ABCA9: variants seen among roughly 807,000 people sequenced by gnomAD.
ABCA9 encodes the protein ATP-binding cassette sub-family A member 9.
A neutral mutation model predicts 205.3 loss-of-function variants in ABCA9; 183 were observed. That is an observed-to-expected ratio of 0.89 (90% CI 0.79 to 1.01). The LOEUF (loss-of-function observed/expected upper bound fraction) is 1.01, where lower values mean the gene tolerates loss of function less well. ABCA9 is among the 50% of genes least tolerant of loss of function. The pLI, the probability that ABCA9 is intolerant of heterozygous loss-of-function variation, is 0.00. For missense variants in ABCA9, 1,805 were observed against 1,912.4 expected, an observed-to-expected ratio of 0.94 and a Z score of 1.05; for synonymous variants, 651 against 683.3, an observed-to-expected ratio of 0.95 and a Z score of 0.74.
chr17:69,067,206 TAATA>T, the ABCA9 span, among the ~76,000 whole-genome samples: 1 of 152,034 alleles, frequency 6.6e-6, no homozygotes, highest in African/African-American at 2.4e-5. Flanking sequence ...GAAATTTTCT[TAATA>T]TATAATTAAA....
At chr17:69,017,563 G>A in intron 21 of ABCA9, 93 bp downstream of exon 21, 1 of 1,404,898 alleles carries the variant, frequency 7.1e-7, no homozygotes, top group Non-Finnish European at 9.8e-7. Context: ...TTGTTTGTGT[G>A]AAATTGGCCT....
intron 37 of ABCA9, among the ~76,000 whole-genome samples, chr17:68,980,265 C>T (rs2143934224): frequency 6.6e-6 from 1 of 152,138 alleles, no homozygotes; most frequent in East Asian, 1.9e-4. Flanking sequence ...GAATGGCGAT[C>T]ATTAAAAAGT....
chr17:69,026,228 T>TA lies in ABCA9; in HGVS notation c.2141+148dup. The TA allele has an allele frequency of 4.8e-6, 3 of 626,766 alleles. No individual in the cohort carries two copies. In the South Asian group the frequency reaches 7.1e-5, roughly 15 times the overall value. The allele number at this position is 626,766 out of a possible 1,614,324, so 38.8% of individuals were successfully genotyped here. A position where few individuals can be genotyped will look rare whatever the true frequency, so the allele number is the denominator to read the frequency against. On this transcript the variant is annotated intron_variant, in intron 16 of 38. Coordinates refer to ENST00000340001, the MANE Select transcript of ABCA9 (RefSeq NM_080283.4). ...AATCTCATATATCCTGCATTCTAGC[T>TA]AAAAAAGCAATTATGCCTTAGTTCT... is the stretch of plus-strand genomic sequence containing the variant.
intron 37 of ABCA9, among the ~76,000 whole-genome samples, chr17:68,982,209 C>A (rs942840289): frequency 1.3e-5 from 2 of 152,140 alleles, no homozygotes; most frequent in Non-Finnish European, 1.5e-5. Context: ...TCTCCCAGAG[C>A]CTTGTTCAAT....
chr17:69,017,320 A>C (rs1473619838), intron 21 of ABCA9, among the ~76,000 whole-genome samples: 2 of 152,162 alleles, frequency 1.3e-5, no homozygotes, highest in African/African-American at 4.8e-5. Flanking sequence ...TCAGAAAAGC[A>C]AAGGCCAAGT....
At chr17:69,010,368 G>C (rs2070327103) in intron 23 of ABCA9, among the ~76,000 whole-genome samples, 1 of 152,006 alleles carries the variant, frequency 6.6e-6, no homozygotes, top group Admixed American at 6.6e-5. Context: ...ACAGAAGAAA[G>C]AGCATTCCAG....
At chr17:69,032,306 G>A (rs2144368839) in intron 9 of ABCA9, 30 bp from the exon 10 acceptor site, 1 of 1,600,966 alleles carries the variant, frequency 6.2e-7, no homozygotes, top group East Asian at 2.2e-5. Flanking sequence ...TTGAATACTG[G>A]GTCAGTCATC....
chr17:69,063,153 T>G (rs1226991496), upstream of ABCA9, among the ~76,000 whole-genome samples: 2 of 143,310 alleles, frequency 1.4e-5, no homozygotes, highest in African/African-American at 4.9e-5. Flanking sequence ...AAATTACAAA[T>G]GCTATGCTGT....
At chr17:69,055,804 A>G (rs1026926614) in intron 1 of ABCA9, among the ~76,000 whole-genome samples, 1 of 152,194 alleles carries the variant, frequency 6.6e-6, no homozygotes, top group Non-Finnish European at 1.5e-5. Flanking sequence ...AATAGAAATC[A>G]TACAATGCAT....
chr17:69,057,847 C>A (rs935893951), intron 1 of ABCA9, among the ~76,000 whole-genome samples: 2 of 150,378 alleles, frequency 1.3e-5, no homozygotes, highest in Non-Finnish European at 2.9e-5. Flanking sequence ...TTTTTCTTGT[C>A]ATTATTCCTG....
chr17:68,992,542 G>A (rs925157553), intron 27 of ABCA9: 6 of 243,976 alleles, frequency 2.5e-5, no homozygotes, highest in Admixed American at 1.0e-4. Context: ...GGCCAGGAGC[G>A]TTGGCTCACG....
At chr17:69,012,516 TA>T (rs780704737) in intron 22 of ABCA9, among the ~76,000 whole-genome samples, 3,363 of 147,594 alleles carry the variant, frequency 0.023, 55 homozygotes, top group Non-Finnish European at 0.034. Context: ...GGCACTATGT[TA>T]AAAAAAAAAA....
At chr17:69,045,076 A>G in intron 4 of ABCA9, 96 bp downstream of exon 4, 2 of 947,572 alleles carry the variant, frequency 2.1e-6, no homozygotes, top group East Asian at 2.6e-5. Context: ...TTGTGGTTGT[A>G]TATGTTTGTG....
chr17:69,068,960 T>A, the ABCA9 span, among the ~76,000 whole-genome samples: 55 of 152,210 alleles, frequency 3.6e-4, no homozygotes, highest in Non-Finnish European at 6.3e-4. Context: ...GACAAAGATA[T>A]GATTAACTTT....
chr17:69,020,860 A>G, intron 18 of ABCA9: 1 of 312,078 alleles, frequency 3.2e-6, no homozygotes, highest in Non-Finnish European at 5.9e-6. Flanking sequence ...AAATCAATGA[A>G]AAAAAACTCA....
rs1182479732 is a variant in ABCA9, at chr17:69,020,398, G to T, written c.2590C>A (p.Leu864Met). 3.1e-6 allele frequency: 5 copies of T among 1,613,116 alleles called. No homozygotes were observed. The highest frequency in any genetic ancestry group is 3.4e-6 in the Non-Finnish European group (4 of 1,179,642). ...FLKLKKERKSLWTILLLFGIS... is the reference protein window; with the variant it reads ...FLKLKKERKSMWTILLLFGIS... ...CACTCAGATACTCACATAGTCCACA[G>T]GCTTTTTCTTTCTTTCTTTAACTTT... Residue 864 changes from leucine to methionine, a missense_variant, in exon 19 of 39, where the codon CTG becomes ATG. Leu to Met is a conservative substitution (Grantham distance 15, BLOSUM62 2). Transcript: ENST00000340001.
chr17:69,051,111 T>C lies in ABCA9; in HGVS notation c.16A>G (p.Met6Val), dbSNP rs750692116. Residue 6 changes from methionine (M) to valine (V), a missense_variant, in exon 2 of 39, where the codon ATG becomes GTG. Met to Val is a conservative substitution (Grantham distance 21). Transcript: ENST00000340001. MSKRR[M>V]SVGQQTWALL... The stretch of plus-strand genomic sequence containing the variant: ...GCCCATGTTTGCTGACCCACGCTCA[T>C]GCGTCTCTTGCTCATTTTGACCTGT... 3 of 1,613,604 alleles carry C rather than the reference T, an allele frequency of 1.9e-6. No individual in the cohort carries two copies. The highest frequency in any genetic ancestry group is 4.5e-5 in the East Asian group (2 of 44,856).
At chr17:69,063,094 T>C (rs529185104), upstream of ABCA9, among the ~76,000 whole-genome samples, 5 of 152,192 alleles carry the variant, frequency 3.3e-5, no homozygotes, top group Non-Finnish European at 7.4e-5. Context: ...AGATGGTGAG[T>C]AGCGGAAACT....
At chr17:69,039,837 A>T (rs1190425585) in intron 6 of ABCA9, among the ~76,000 whole-genome samples, 1 of 152,206 alleles carries the variant, frequency 6.6e-6, no homozygotes, top group Non-Finnish European at 1.5e-5. Flanking sequence ...AGAATCTACA[A>T]GGAACTTAAA....
Sources: allele counts gnomAD v4.1 joint callset (sites outside exome capture counted in the v4.1 genomes callset), GRCh38; gene constraint gnomAD v4.1.1; transcripts MANE v1.5; gene names NCBI Gene and HGNC (gene_info 2026-07-23, HGNC 2026-07-21).